ADAM12: variants seen among roughly 807,000 people sequenced by gnomAD.
The protein encoded by ADAM12 is disintegrin and metalloproteinase domain-containing protein 12.
A neutral mutation model predicts 106.4 loss-of-function variants in ADAM12; 70 were observed. That is an observed-to-expected ratio of 0.66 (90% confidence interval 0.54 to 0.80). The LOEUF (loss-of-function observed/expected upper bound fraction) is 0.80. Among genes scored for constraint, ADAM12 ranks in the 30% least tolerant of loss-of-function variants. ADAM12 has a pLI of 0.00. For missense variants in ADAM12, 1,010 were observed against 1,171.9 expected, an observed-to-expected ratio of 0.86 and a Z score of 2.02; for synonymous variants, 420 against 433.5, an observed-to-expected ratio of 0.97 and a Z score of 0.39.
chr10:126,153,643 G>A (rs1045952504), intron 4 of ADAM12, among the ~76,000 whole-genome samples: 9 of 152,052 alleles, frequency 5.9e-5, no homozygotes, highest in African/African-American at 1.2e-4. Context: ...TGATGCTTGC[G>A]TACAACGGCT....
intron 1 of ADAM12, among the ~76,000 whole-genome samples, chr10:126,380,402 A>G (rs1470826537): frequency 2.0e-5 from 3 of 152,220 alleles, no homozygotes; most frequent in African/African-American, 7.2e-5. Flanking sequence ...TGCCACAGCT[A>G]GGTTAAGATC....
At chr10:126,126,790 C>T (rs572845552) in intron 5 of ADAM12, among the ~76,000 whole-genome samples, 6 of 151,936 alleles carry the variant, frequency 3.9e-5, no homozygotes, top group Non-Finnish European at 7.4e-5. Context: ...TAGGGGAGAG[C>T]GTGCAGGGCC....
intron 3 of ADAM12, among the ~76,000 whole-genome samples, chr10:126,219,264 T>C (rs1416607010): frequency 6.6e-6 from 1 of 152,234 alleles, no homozygotes; most frequent in Non-Finnish European, 1.5e-5. Flanking sequence ...TGAGGGCCTG[T>C]TGCAGTCGTC....
intron 9 of ADAM12, among the ~76,000 whole-genome samples, chr10:126,100,737 A>C (rs1194013500): frequency 6.6e-6 from 1 of 152,068 alleles, no homozygotes; most frequent in African/African-American, 2.4e-5. Context: ...CAAACAAAAA[A>C]CAAAACAAAA....
At chr10:126,387,795 G>C (rs1856719417) in intron 1 of ADAM12, among the ~76,000 whole-genome samples, 1 of 152,056 alleles carries the variant, frequency 6.6e-6, no homozygotes, top group Non-Finnish European at 1.5e-5. Context: ...GGGTGAGGAC[G>C]GGGGAGCGGT....
intron 3 of ADAM12, among the ~76,000 whole-genome samples, chr10:126,207,834 T>G (rs970561855): frequency 6.6e-5 from 10 of 152,210 alleles, no homozygotes; most frequent in African/African-American, 2.4e-4. Flanking sequence ...AATTAGAGAT[T>G]CAATTCCAGG....
chr10:126,247,346 A>G (rs1958650555), intron 3 of ADAM12, among the ~76,000 whole-genome samples: 1 of 152,236 alleles, frequency 6.6e-6, no homozygotes, highest in Non-Finnish European at 1.5e-5. Flanking sequence ...TCCTAGACAA[A>G]ATAGTTTCGA....
chr10:126,217,050 T>C (rs1958000315), intron 3 of ADAM12, among the ~76,000 whole-genome samples: 1 of 152,248 alleles, frequency 6.6e-6, no homozygotes, highest in South Asian at 2.1e-4. Context: ...ATCAGGGATG[T>C]CAGCAAACAA....
chr10:126,215,835 A>G (rs1253166823), intron 3 of ADAM12, among the ~76,000 whole-genome samples: 1 of 152,234 alleles, frequency 6.6e-6, no homozygotes, highest in East Asian at 1.9e-4. Flanking sequence ...GCACAAAAAA[A>G]TCAGGGGTGT....
intron 14 of ADAM12, among the ~76,000 whole-genome samples, chr10:126,060,695 T>C (rs1954735405): frequency 6.6e-6 from 1 of 152,368 alleles, no homozygotes; most frequent in East Asian, 1.9e-4. Context: ...GCCAGGGGCC[T>C]GGCTGAGGAA....
At chr10:126,157,259 G>A (rs959291687) in intron 3 of ADAM12, among the ~76,000 whole-genome samples, 22 of 152,242 alleles carry the variant, frequency 1.4e-4, no homozygotes, top group African/African-American at 5.3e-4. Context: ...GGGACAAAAG[G>A]CAGGGAGAGG....
At position 126,012,702 on chromosome 10, in the gene ADAM12, C is replaced by G. The variant is rs1334047245; in HGVS notation, c.*4577G>C. 4 of 152,222 alleles carry G rather than the reference C, an allele frequency of 2.6e-5. No homozygotes were observed. Among genetic ancestry groups the G allele is most frequent in the African/African-American group, 9.6e-5 (4 of 41,460 alleles). The allele number at this position is 152,222 out of a possible 1,614,324, so 9.4% of individuals were successfully genotyped here. A position where few individuals can be genotyped will look rare whatever the true frequency, so the allele number is the denominator to read the frequency against. On this transcript the variant is annotated 3_prime_UTR_variant, in exon 23 of 23. Coordinates refer to ENST00000448723, the MANE Select transcript of ADAM12 (RefSeq NM_001288973.2). ...AAAGAACAGGCATTCACTGCAGCCT[C>G]CTGATTTGACCTGATGGGAGGGACA...
chr10:126,276,375 A>C (rs567839662), intron 3 of ADAM12, among the ~76,000 whole-genome samples: 1 of 152,322 alleles, frequency 6.6e-6, no homozygotes, highest in South Asian at 2.1e-4. Flanking sequence ...GCAAATTTAA[A>C]ATTCTATTAT....
chr10:126,264,173 C>T (rs1191313734), intron 3 of ADAM12, among the ~76,000 whole-genome samples: 1 of 152,084 alleles, frequency 6.6e-6, no homozygotes, highest in African/African-American at 2.4e-5. Context: ...ATGTAAAAAC[C>T]ATTTCCCACA....
intron 3 of ADAM12, among the ~76,000 whole-genome samples, chr10:126,257,695 G>A (rs964534197): frequency 1.2e-4 from 18 of 152,114 alleles, no homozygotes; most frequent in African/African-American, 3.4e-4. Flanking sequence ...TCCATCAACC[G>A]TGGAGATGGG....
At chr10:126,142,065 T>C (rs1354683083) in intron 4 of ADAM12, among the ~76,000 whole-genome samples, 4 of 152,152 alleles carry the variant, frequency 2.6e-5, no homozygotes, top group South Asian at 4.1e-4. Flanking sequence ...CTCTCAACTC[T>C]AGGCCAGACA....
intron 1 of ADAM12, among the ~76,000 whole-genome samples, chr10:126,336,549 A>T (rs1302883362): frequency 6.6e-6 from 1 of 152,214 alleles, no homozygotes; most frequent in Admixed American, 6.5e-5. Flanking sequence ...TTGATTCTCA[A>T]GCAGCTTAAA....
chr10:126,069,268 AT>A (rs1565031408), intron 12 of ADAM12, among the ~76,000 whole-genome samples: 1 of 152,212 alleles, frequency 6.6e-6, no homozygotes, highest in Non-Finnish European at 1.5e-5. Context: ...ACTTGAAACT[AT>A]TTTTTGAAAA....
At chr10:126,132,740 T>G (rs2133669382) in intron 5 of ADAM12, among the ~76,000 whole-genome samples, 1 of 152,208 alleles carries the variant, frequency 6.6e-6, no homozygotes, top group South Asian at 2.1e-4. Context: ...AGAGGCCCAG[T>G]GACCTGTCCA....
Sources: allele counts gnomAD v4.1 joint callset (sites outside exome capture counted in the v4.1 genomes callset), GRCh38; gene constraint gnomAD v4.1.1; transcripts MANE v1.5; gene names NCBI Gene and HGNC (gene_info 2026-07-23, HGNC 2026-07-21).